Variants in OMA1 observed in about 807,000 individuals in gnomAD.
OMA1 encodes the protein metalloendopeptidase OMA1, mitochondrial.
Under a neutral mutation model 30.9 loss-of-function variants are expected in OMA1, and 38 were observed. That is an observed-to-expected ratio of 1.23 (90% CI 0.95 to 1.61). The LOEUF (loss-of-function observed/expected upper bound fraction) is 1.61. OMA1 is among the 40% of genes most tolerant of loss of function. The pLI, the probability that OMA1 is intolerant of heterozygous loss-of-function variation, is 0.00. For synonymous variants in OMA1, 173 were observed against 121.9 expected (o/e 1.42, Z -2.76); for missense variants, 461 against 349.2 (o/e 1.32, Z -2.55).
chr1:58,509,714 C>T (rs1267572952), intron 7 of OMA1, among the ~76,000 whole-genome samples: 4 of 150,838 alleles, frequency 2.7e-5, no homozygotes, highest in Non-Finnish European at 4.4e-5. Context: ...AAACTAAGAG[C>T]TTTTTGGGGA....
chr1:58,541,322 A>T (rs1044231202), intron 1 of OMA1, among the ~76,000 whole-genome samples: 6 of 126,764 alleles, frequency 4.7e-5, no homozygotes, highest in African/African-American at 1.8e-4. Flanking sequence ...AAAAAAAAAA[A>T]AAAAAAAAAA....
chr1:58,520,700 A>G (rs1569941214), intron 7 of OMA1, among the ~76,000 whole-genome samples: 1 of 152,226 alleles, frequency 6.6e-6, no homozygotes, highest in South Asian at 2.1e-4. Flanking sequence ...ACATTAGGCA[A>G]GAAGTATTAC....
chr1:58,514,205 T>C (rs906983584), intron 7 of OMA1, among the ~76,000 whole-genome samples: 3 of 152,094 alleles, frequency 2.0e-5, no homozygotes, highest in Non-Finnish European at 4.4e-5. Context: ...AGAATATAAA[T>C]GTATATGAAT....
chr1:58,493,404 A>G (rs1645735101), intron 8 of OMA1, among the ~76,000 whole-genome samples: 1 of 152,168 alleles, frequency 6.6e-6, no homozygotes, highest in South Asian at 2.1e-4. Flanking sequence ...ATAGTGTTGG[A>G]AGTTCTGGCC....
At chr1:58,486,038 C>G (rs1645570832) in intron 8 of OMA1, among the ~76,000 whole-genome samples, 1 of 152,176 alleles carries the variant, frequency 6.6e-6, no homozygotes, top group African/African-American at 2.4e-5. Context: ...GTGAAAGAAA[C>G]TAACATCTAC....
intron 8 of OMA1, among the ~76,000 whole-genome samples, chr1:58,501,379 T>A (rs1393844473): frequency 2.0e-5 from 3 of 152,196 alleles, no homozygotes; most frequent in African/African-American, 7.2e-5. Context: ...GCAGGAGCTG[T>A]AGATCACATC....
intron 7 of OMA1, among the ~76,000 whole-genome samples, chr1:58,525,229 T>C (rs1393847250): frequency 2.0e-5 from 3 of 152,184 alleles, no homozygotes; most frequent in African/African-American, 7.2e-5. Flanking sequence ...TTTTTCAATA[T>C]TTCTAAGCTA....
intron 8 of OMA1, among the ~76,000 whole-genome samples, chr1:58,502,271 A>G (rs996581945): frequency 1.2e-4 from 19 of 152,126 alleles, no homozygotes; most frequent in African/African-American, 4.6e-4. Flanking sequence ...TTGGTTTCCT[A>G]TTTGCTTTCT....
At position 58,536,555 on chromosome 1, in the gene OMA1, C is replaced by G; in HGVS notation, c.687G>C (p.Gly229=). 4 of 872,814 alleles carry G rather than the reference C, an allele frequency of 4.6e-6. No individual in the cohort carries two copies. Among genetic ancestry groups the G allele is most frequent in the South Asian group, 1.3e-5 (1 of 76,530 alleles). 54.1% of individuals were successfully genotyped at this position (872,814 alleles called of 1,614,324 possible). ...ITGRSKLLLL[G]KEQFRLLSEL... is the part of the protein sequence containing the mutation. ...CCGATAAAAGTCTGAACTGTTCTTTCCCCAATAATAGTAGCTTGCTCCTTC... is the reference window on the plus strand; with the variant it reads ...CCGATAAAAGTCTGAACTGTTCTTTGCCCAATAATAGTAGCTTGCTCCTTC... The change falls in exon 3 of 9, where the codon GGG becomes GGC. Residue 229 remains glycine, a synonymous_variant. Coordinates refer to ENST00000371226, the MANE Select transcript of OMA1 (RefSeq NM_145243.5).
At chr1:58,527,026 T>C (rs756258246) in intron 7 of OMA1, among the ~76,000 whole-genome samples, 2 of 152,164 alleles carry the variant, frequency 1.3e-5, no homozygotes, top group Non-Finnish European at 2.9e-5. Flanking sequence ...TATAATCTTA[T>C]GGATTCTGTC....
chr1:58,524,005 C>T (rs1646310359), intron 7 of OMA1, among the ~76,000 whole-genome samples: 2 of 152,158 alleles, frequency 1.3e-5, no homozygotes, highest in African/African-American at 2.4e-5. Context: ...CATTGTGTAG[C>T]AGGCCTTTTT....
rs562994772 is a variant in OMA1, at chr1:58,530,042, G to A, written c.1140+559C>T. Among the ~76,000 whole-genome samples the A allele has an allele frequency of 2.0e-4, 31 of 152,182 alleles. No individual in the cohort carries two copies. In the East Asian group the frequency reaches 5.4e-3, roughly 27 times the overall value. ...ACTACAGGCGCCCGCCACAACGCCA[G>A]GCTAATTTTTTTGTATTTTTAGTAG... On this transcript the variant is annotated intron_variant, in intron 6 of 8. Coordinates refer to ENST00000371226, the MANE Select transcript of OMA1 (RefSeq NM_145243.5).
At position 58,512,066 on chromosome 1, in the gene OMA1, C is replaced by A. The variant is rs182004155; in HGVS notation, c.1216-5857G>T. On this transcript the variant is annotated intron_variant, in intron 7 of 8. Coordinates refer to ENST00000371226, the MANE Select transcript of OMA1 (RefSeq NM_145243.5). ...ATTTCTACAACTCAATAGCAAAAAA[C>A]CCAATTTAAAAAATAGGCAAAGGAT... Among the ~76,000 whole-genome samples the A allele has an allele frequency of 5.4e-3, 826 of 152,034 alleles. 6 individuals carry two copies. Among genetic ancestry groups the A allele is most frequent in the African/African-American group, 0.019 (791 of 41,480 alleles).
At chr1:58,505,255 C>T (rs761027765) in intron 8 of OMA1, among the ~76,000 whole-genome samples, 7 of 152,200 alleles carry the variant, frequency 4.6e-5, no homozygotes, top group Non-Finnish European at 7.3e-5. Flanking sequence ...TTCTATAATA[C>T]ACCTGGATCT....
intron 8 of OMA1, among the ~76,000 whole-genome samples, chr1:58,489,985 A>G (rs1205402774): frequency 2.6e-5 from 4 of 152,192 alleles, no homozygotes; most frequent in Admixed American, 2.0e-4. Flanking sequence ...AACCATAAAG[A>G]TGGGGAAAAA....
At chr1:58,540,033 A>G (rs1646581287) in intron 1 of OMA1, among the ~76,000 whole-genome samples, 1 of 152,162 alleles carries the variant, frequency 6.6e-6, no homozygotes, top group Admixed American at 6.5e-5. Context: ...GGAGCTGGGA[A>G]AGGGCCACCT....
chr1:58,485,402 T>A (rs1002049917), intron 8 of OMA1, among the ~76,000 whole-genome samples: 1 of 151,996 alleles, frequency 6.6e-6, no homozygotes, highest in Non-Finnish European at 1.5e-5. Flanking sequence ...TTTGGAGATG[T>A]CTGAGCTAGG....
intron 6 of OMA1, among the ~76,000 whole-genome samples, chr1:58,528,070 T>C (rs1646379369): frequency 1.3e-5 from 2 of 152,250 alleles, no homozygotes; most frequent in South Asian, 4.1e-4. Context: ...ATGTCTGTGA[T>C]GGCCTGAAAT....
chr1:58,523,164 T>G (rs1024385890), intron 7 of OMA1, among the ~76,000 whole-genome samples: 6 of 152,214 alleles, frequency 3.9e-5, no homozygotes, highest in Non-Finnish European at 8.8e-5. Flanking sequence ...CCTGATAAGG[T>G]GTTTCTATTA....
Sources: gnomAD v4.1 joint callset for allele counts (sites outside exome capture counted in the v4.1 genomes callset) on GRCh38, gnomAD v4.1.1 for gene constraint, MANE v1.5 for transcripts, NCBI Gene and HGNC (gene_info 2026-07-23, HGNC 2026-07-21) for gene names.